Variants in FRMPD1 observed in about 807,000 individuals in gnomAD.
FRMPD1 encodes FERM and PDZ domain-containing protein 1.
A neutral mutation model predicts 117.8 loss-of-function variants in FRMPD1; 76 were observed. That is an observed-to-expected ratio of 0.65 (90% CI 0.54 to 0.78). FRMPD1 has a LOEUF of 0.78. Ranked by LOEUF, FRMPD1 falls within the 30% of genes least tolerant of loss-of-function variation. The pLI is 0.00. For synonymous variants in FRMPD1, 783 were observed against 770.4 expected (o/e 1.02, Z -0.27); for missense variants, 1,786 against 1,964.5 (o/e 0.91, Z 1.72).
intron 2 of FRMPD1, 46 bp downstream of exon 2, chr9:37,692,788 T>TC: frequency 7.4e-7 from 1 of 1,357,768 alleles, no homozygotes; most frequent in Non-Finnish European, 1.1e-6. Flanking sequence ...AGGTCTGGTG[T>TC]CCCGGGGGAG....
the FRMPD1 span, among the ~76,000 whole-genome samples, chr9:37,608,248 T>C: frequency 6.6e-6 from 1 of 152,226 alleles, no homozygotes; most frequent in Non-Finnish European, 1.5e-5. Context: ...AGTAACATAC[T>C]GATTATTTAA....
At chr9:37,623,512 A>G in the FRMPD1 span, among the ~76,000 whole-genome samples, 2 of 152,204 alleles carry the variant, frequency 1.3e-5, no homozygotes, top group African/African-American at 4.8e-5. Flanking sequence ...GGCTAAGGAA[A>G]CTGTGTGAAC....
intron 7 of FRMPD1, among the ~76,000 whole-genome samples, chr9:37,724,634 T>C (rs1313191449): frequency 6.6e-6 from 1 of 152,182 alleles, no homozygotes; most frequent in African/African-American, 2.4e-5. Context: ...TCCCTGCCAT[T>C]TGTCTGTGAC....
chr9:37,618,671 T>C, the FRMPD1 span, among the ~76,000 whole-genome samples: 1 of 152,172 alleles, frequency 6.6e-6, no homozygotes, highest in African/African-American at 2.4e-5. Flanking sequence ...TCCCTGACCA[T>C]ATACCCTATA....
chr9:37,664,226 C>A (rs1239604046), intron 1 of FRMPD1, among the ~76,000 whole-genome samples: 2 of 151,564 alleles, frequency 1.3e-5, no homozygotes, highest in Admixed American at 6.6e-5. Flanking sequence ...ACTGGGCTGC[C>A]CTTGGTGGTG....
At chr9:37,630,187 G>A in the FRMPD1 span, among the ~76,000 whole-genome samples, 3 of 152,106 alleles carry the variant, frequency 2.0e-5, no homozygotes, top group Admixed American at 6.5e-5. Context: ...ACAATCATTC[G>A]GTCCATAGCA....
At chr9:37,682,041 C>G (rs757669154) in intron 1 of FRMPD1, among the ~76,000 whole-genome samples, 4 of 152,096 alleles carry the variant, frequency 2.6e-5, no homozygotes, top group Non-Finnish European at 4.4e-5. Context: ...TAAGTGTTGA[C>G]AGTTACATAG....
At chr9:37,614,052 G>C in the FRMPD1 span, among the ~76,000 whole-genome samples, 13 of 152,362 alleles carry the variant, frequency 8.5e-5, no homozygotes, top group South Asian at 2.3e-3. Flanking sequence ...TGCCAGCAGA[G>C]AGGGGACTTT....
the FRMPD1 span, among the ~76,000 whole-genome samples, chr9:37,613,721 C>G: frequency 5.9e-5 from 9 of 152,196 alleles, no homozygotes; most frequent in African/African-American, 2.2e-4. Context: ...CTCTTGGCTC[C>G]TATGTACCTT....
intron 6 of FRMPD1, among the ~76,000 whole-genome samples, chr9:37,720,376 C>G (rs1484502194): frequency 3.3e-5 from 5 of 151,840 alleles, no homozygotes; most frequent in Non-Finnish European, 7.4e-5. Flanking sequence ...GTCAAGAGAT[C>G]AAGACCGGCC....
chr9:37,715,987 T>A (rs1823103400), intron 5 of FRMPD1, among the ~76,000 whole-genome samples: 1 of 152,170 alleles, frequency 6.6e-6, no homozygotes, highest in Admixed American at 6.5e-5. Context: ...TCCTCATAGA[T>A]GGGTTTTCCT....
chr9:37,731,002 T>C lies in FRMPD1; in HGVS notation c.757T>C (p.Ser253Pro). The C allele has an allele frequency of 6.2e-7, 1 of 1,613,378 alleles. No homozygotes were observed. Among genetic ancestry groups the C allele is most frequent in the Non-Finnish European group, 8.5e-7 (1 of 1,179,690 alleles). The change falls in exon 9 of 16, where the codon TCA (serine) becomes CCA (proline). Residue 253 changes from serine (S) to proline (P), a missense_variant. Ser to Pro is a moderately conservative substitution (Grantham distance 74, BLOSUM62 -1). Transcript: ENST00000377765. The part of the protein sequence containing the change: ...LIQQVVEREE[S>P]HDYRCLFRVC... ...ATCGCAGGTGGTAGAAAGGGAGGAG[T>C]CACATGACTACCGCTGCCTCTTCAG...
the FRMPD1 span, among the ~76,000 whole-genome samples, chr9:37,637,732 G>C: frequency 3.9e-5 from 6 of 152,168 alleles, no homozygotes; most frequent in Admixed American, 3.3e-4. Flanking sequence ...CGTAAGACAG[G>C]AGCTATATCA....
intron 2 of FRMPD1, among the ~76,000 whole-genome samples, chr9:37,699,700 A>G (rs1163385925): frequency 2.6e-5 from 4 of 152,352 alleles, no homozygotes; most frequent in Admixed American, 2.6e-4. Context: ...AAAGAACTTA[A>G]TGTGACATCG....
chr9:37,724,095 A>T, intron 6 of FRMPD1, 130 bp from the exon 7 acceptor site: 3 of 478,794 alleles, frequency 6.3e-6, no homozygotes, highest in Non-Finnish European at 3.8e-6. Flanking sequence ...GAGTCGCTTG[A>T]ACCTGGGAGT....
At chr9:37,691,605 T>C (rs1054531135) in intron 1 of FRMPD1, among the ~76,000 whole-genome samples, 6 of 152,248 alleles carry the variant, frequency 3.9e-5, no homozygotes, top group African/African-American at 1.2e-4. Flanking sequence ...AGATAATTTT[T>C]TTAAAAGAAT....
intron 1 of FRMPD1, among the ~76,000 whole-genome samples, chr9:37,691,600 A>T (rs1465306479): frequency 6.6e-6 from 1 of 152,198 alleles, no homozygotes; most frequent in East Asian, 1.9e-4. Context: ...TTCCAAGATA[A>T]TTTTTTTAAA....
intron 1 of FRMPD1, among the ~76,000 whole-genome samples, chr9:37,681,991 G>A (rs534924039): frequency 9.8e-5 from 15 of 152,292 alleles, no homozygotes; most frequent in African/African-American, 3.1e-4. Context: ...CATGGTAGGC[G>A]GGTGGCCAGG....
intron 15 of FRMPD1, among the ~76,000 whole-genome samples, chr9:37,743,495 A>G (rs1369343789): frequency 2.1e-5 from 2 of 93,924 alleles, no homozygotes; most frequent in African/African-American, 7.7e-5. Context: ...TTATCAAGCT[A>G]TTGTGGTTGG....
Sources: gnomAD v4.1 joint callset for allele counts (sites outside exome capture counted in the v4.1 genomes callset) on GRCh38, gnomAD v4.1.1 for gene constraint, MANE v1.5 for transcripts, NCBI Gene and HGNC (gene_info 2026-07-23, HGNC 2026-07-21) for gene names.